ANO10: variants seen among roughly 807,000 people sequenced by gnomAD.
ANO10 encodes the protein anoctamin-10.
A neutral mutation model predicts 74.7 loss-of-function variants in ANO10; 77 were observed. That is an observed-to-expected ratio of 1.03 (90% confidence interval 0.86 to 1.25). The LOEUF (loss-of-function observed/expected upper bound fraction) is 1.25. Among genes scored for constraint, ANO10 ranks in the 50% most tolerant of loss-of-function variants. The probability of loss-of-function intolerance (pLI) is 0.00; values close to 1 mark genes in which losing one functional copy is unlikely to be tolerated. For missense variants in ANO10, 721 were observed against 778.1 expected (o/e 0.93, Z 0.87); for synonymous variants, 279 against 284.9 (o/e 0.98, Z 0.21).
At chr3:43,428,795 G>GAAAAAAAAAAA (rs1245373022) in intron 12 of ANO10, among the ~76,000 whole-genome samples, 2 of 3,414 alleles carry the variant, frequency 5.9e-4, no homozygotes, top group Non-Finnish European at 1.3e-3. Flanking sequence ...CTTTGTGAAT[G>GAAAAAAAAAAA]CAAAAAAAAA....
chr3:43,618,565 G>C (rs2083235322), intron 1 of ANO10, among the ~76,000 whole-genome samples: 1 of 152,076 alleles, frequency 6.6e-6, no homozygotes, highest in Non-Finnish European at 1.5e-5. Context: ...CTTTAAAACT[G>C]GGACAAGTTG....
chr3:43,549,623 C>T, intron 11 of ANO10, 97 bp downstream of exon 11: 2 of 1,384,402 alleles, frequency 1.4e-6, no homozygotes, highest in Non-Finnish European at 2.1e-6. Context: ...ATCCATATTG[C>T]TCAATTGTCA....
chr3:43,593,660 C>T (rs568651848), intron 4 of ANO10, among the ~76,000 whole-genome samples: 15 of 151,156 alleles, frequency 9.9e-5, no homozygotes, highest in Non-Finnish European at 1.9e-4. Flanking sequence ...AAAAACATGC[C>T]CAACTGTAAA....
chr3:43,648,696 AG>A (rs1392707440), intron 1 of ANO10, among the ~76,000 whole-genome samples: 5 of 115,782 alleles, frequency 4.3e-5, no homozygotes, highest in African/African-American at 2.3e-4. Context: ...TTTTTTTTTA[AG>A]ATGGAGTCTG....
At chr3:43,504,205 T>G (rs1575284243) in intron 11 of ANO10, among the ~76,000 whole-genome samples, 1 of 151,474 alleles carries the variant, frequency 6.6e-6, no homozygotes, top group Non-Finnish European at 1.5e-5. Flanking sequence ...GAAGCGGAGG[T>G]TGCAGTGAGC....
At chr3:43,539,713 T>C (rs968128417) in intron 11 of ANO10, among the ~76,000 whole-genome samples, 2 of 152,226 alleles carry the variant, frequency 1.3e-5, no homozygotes, top group African/African-American at 4.8e-5. Flanking sequence ...TGGATACATA[T>C]GATGTTCTGT....
chr3:43,578,749 CAAAAAAAAAAA>C (rs56186109), intron 5 of ANO10, among the ~76,000 whole-genome samples: 22 of 64,440 alleles, frequency 3.4e-4, no homozygotes, highest in East Asian at 8.9e-4. Flanking sequence ...GACTCCATCT[CAAAAAAAAAAA>C]AAAAAAAAAA....
chr3:43,534,532 T>C (rs1299715751), intron 11 of ANO10, among the ~76,000 whole-genome samples: 2 of 148,402 alleles, frequency 1.3e-5, no homozygotes, highest in Non-Finnish European at 1.5e-5. Context: ...GAGAAGGGGG[T>C]TGGGGGGAGG....
chr3:43,437,642 G>T (rs910570750), intron 11 of ANO10, among the ~76,000 whole-genome samples: 4 of 152,126 alleles, frequency 2.6e-5, no homozygotes, highest in Non-Finnish European at 4.4e-5. Context: ...GAGGCAGAAA[G>T]AAATTACAAT....
chr3:43,579,317 T>G (rs1003186552), intron 5 of ANO10, among the ~76,000 whole-genome samples: 1 of 152,228 alleles, frequency 6.6e-6, no homozygotes, highest in Non-Finnish European at 1.5e-5. Context: ...GGCCTGCTAG[T>G]TGCCCTAAGT....
chr3:43,662,910 A>T (rs550873997), intron 1 of ANO10, among the ~76,000 whole-genome samples: 1 of 152,342 alleles, frequency 6.6e-6, no homozygotes, highest in African/African-American at 2.4e-5. Context: ...ACAGCCTACC[A>T]ACCAAAAAAA....
chr3:43,485,032 C>A, intron 11 of ANO10: 1 of 1,440,866 alleles, frequency 6.9e-7, no homozygotes, highest in African/African-American at 1.4e-5. Flanking sequence ...GGCTCAGGAC[C>A]CGGTGGGGCA....
intron 11 of ANO10, among the ~76,000 whole-genome samples, chr3:43,534,384 A>G (rs1238651929): frequency 6.6e-6 from 1 of 152,198 alleles, no homozygotes; most frequent in Non-Finnish European, 1.5e-5. Flanking sequence ...CTTTCTCCCA[A>G]TGATTGAAAT....
rs1009843255 is a variant in ANO10, at chr3:43,635,248, T to C, written c.-11-29385A>G. ...TTAGGACACTCATAGCCGGAATCCA[T>C]CTCTTCAAGCACAGACTGCAAAACA... On this transcript the variant is annotated intron_variant, in intron 1 of 3. Transcript: ENST00000413397. Among the ~76,000 whole-genome samples, 10 of 152,304 alleles carry C rather than the reference T, an allele frequency of 6.6e-5. No homozygotes were observed. The Middle Eastern group carries it at 0.01, about 155-fold the overall frequency.
intron 8 of ANO10, 44 bp downstream of exon 8, chr3:43,565,609 T>A: frequency 6.9e-7 from 1 of 1,445,488 alleles, no homozygotes; most frequent in Non-Finnish European, 9.4e-7. Context: ...GAAAACCACC[T>A]CTATGACCTA....
chr3:43,482,416 T>C (rs1193053708), intron 11 of ANO10, among the ~76,000 whole-genome samples: 1 of 152,066 alleles, frequency 6.6e-6, no homozygotes, highest in African/African-American at 2.4e-5. Flanking sequence ...TAGAGAACCA[T>C]GGGATCTCAG....
intron 11 of ANO10, among the ~76,000 whole-genome samples, chr3:43,483,351 T>G (rs571761288): frequency 6.6e-6 from 1 of 152,316 alleles, no homozygotes; most frequent in Non-Finnish European, 1.5e-5. Flanking sequence ...AGGTGGTGTG[T>G]TTTTTGTTCT....
At chr3:43,433,374 A>G (rs973474754) in intron 11 of ANO10, among the ~76,000 whole-genome samples, 3 of 152,170 alleles carry the variant, frequency 2.0e-5, no homozygotes, top group Admixed American at 2.0e-4. Context: ...GCATCTTAGT[A>G]TACAATATTT....
At chr3:43,531,002 T>C (rs180996400) in intron 11 of ANO10, among the ~76,000 whole-genome samples, 4 of 152,280 alleles carry the variant, frequency 2.6e-5, no homozygotes, top group Admixed American at 6.5e-5. Context: ...ATAGAAAAAG[T>C]GTTGATATCA....
Sources: gnomAD v4.1 joint callset for allele counts (sites outside exome capture counted in the v4.1 genomes callset) on GRCh38, gnomAD v4.1.1 for gene constraint, MANE v1.5 for transcripts, NCBI Gene and HGNC (gene_info 2026-07-23, HGNC 2026-07-21) for gene names.